TFB1M: variants seen among roughly 807,000 people sequenced by gnomAD.
TFB1M encodes dimethyladenosine transferase 1, mitochondrial.
A neutral mutation model predicts 31.1 loss-of-function variants in TFB1M; 27 were observed. That is an observed-to-expected ratio of 0.87 (90% CI 0.64 to 1.20). TFB1M has a LOEUF of 1.20. Ranked by LOEUF, TFB1M falls within the 50% of genes most tolerant of loss-of-function variation. The pLI is 0.00. For missense variants in TFB1M, 394 were observed against 418.7 expected (o/e 0.94, Z 0.51); for synonymous variants, 166 against 151.8 (o/e 1.09, Z -0.69).
At chr6:155,309,045 T>A (rs538864468) in intron 2 of TFB1M, among the ~76,000 whole-genome samples, 2 of 152,208 alleles carry the variant, frequency 1.3e-5, no homozygotes, top group South Asian at 4.1e-4. Context: ...TAAAAACAAA[T>A]GAGAAGTCAA....
chr6:155,249,483 G>A, the TFB1M span, among the ~76,000 whole-genome samples: 1 of 152,186 alleles, frequency 6.6e-6, no homozygotes, highest in Non-Finnish European at 1.5e-5. Flanking sequence ...TTTCTCATCT[G>A]TAAAATGGGA....
intron 1 of TFB1M, chr6:155,314,046 C>A (rs755130835): frequency 7.3e-7 from 1 of 1,367,490 alleles, no homozygotes; most frequent in Non-Finnish European, 9.5e-7. Flanking sequence ...CCCTAGGGAG[C>A]TTGGCATTTA....
chr6:155,236,293 C>T, the TFB1M span, among the ~76,000 whole-genome samples: 2,529 of 151,908 alleles, frequency 0.017, 29 homozygotes, highest in Non-Finnish European at 0.03. Context: ...AAGCAGAACG[C>T]GAGCTGTATG....
chr6:155,307,166 CAT>C (rs1209471964), intron 2 of TFB1M, among the ~76,000 whole-genome samples: 2,337 of 139,848 alleles, frequency 0.017, 65 homozygotes, highest in African/African-American at 0.057. Context: ...CACACACACA[CAT>C]ATACACACAG....
chr6:155,300,037 G>A (rs959050183), intron 2 of TFB1M, among the ~76,000 whole-genome samples: 34 of 152,186 alleles, frequency 2.2e-4, no homozygotes, highest in African/African-American at 7.5e-4. Context: ...TATTTAAGAA[G>A]TGCATGAATA....
chr6:155,230,979 T>G, the TFB1M span, among the ~76,000 whole-genome samples: 1 of 149,766 alleles, frequency 6.7e-6, no homozygotes, highest in South Asian at 2.1e-4. Flanking sequence ...ATTACAGGTG[T>G]GTGCCACCAA....
At chr6:155,250,793 TAAA>T in the TFB1M span, 1 of 1,211,800 alleles carries the variant, frequency 8.3e-7, no homozygotes, top group South Asian at 1.3e-5. Flanking sequence ...ACAGGTATCA[TAAA>T]AATTAAACCA....
chr6:155,254,414 C>A, downstream of TFB1M: 1 of 1,610,778 alleles, frequency 6.2e-7, no homozygotes, highest in Non-Finnish European at 8.5e-7. Flanking sequence ...TCCCCCCCCA[C>A]CCAGTGACAG....
chr6:155,253,734 G>C (rs1783821369), downstream of TFB1M: 1 of 421,364 alleles, frequency 2.4e-6, no homozygotes, highest in Non-Finnish European at 4.2e-6. Context: ...GCTCCAGAGA[G>C]AGGGTGAAGG....
chr6:155,240,619 T>C, the TFB1M span: 2 of 1,614,020 alleles, frequency 1.2e-6, no homozygotes, highest in South Asian at 2.2e-5. Flanking sequence ...AGGATCCTCC[T>C]CCGAGGTCTC....
At chr6:155,252,710 G>A (rs574718585), downstream of TFB1M, among the ~76,000 whole-genome samples, 7 of 152,214 alleles carry the variant, frequency 4.6e-5, no homozygotes, top group Non-Finnish European at 2.9e-5. Flanking sequence ...TTTGGCTGCT[G>A]TTCTTGCTTT....
chr6:155,247,410 C>A, the TFB1M span, among the ~76,000 whole-genome samples: 1 of 152,010 alleles, frequency 6.6e-6, no homozygotes, highest in African/African-American at 2.4e-5. Context: ...CTCACTGCAC[C>A]CTCCACCTCA....
chr6:155,257,001 G>A lies in TFB1M; in HGVS notation c.*835C>T. The stretch of plus-strand genomic sequence containing the variant: ...TCCGTCACCAGTCCCTTGACAGTCA[G>A]TCTGAAAATGCCACCATCGACCTAA... On this transcript the variant is annotated 3_prime_UTR_variant, in exon 7 of 7. Coordinates refer to ENST00000367166, the MANE Select transcript of TFB1M (RefSeq NM_016020.4). 6.2e-7 allele frequency: 1 copy of A among 1,614,170 alleles called. No homozygotes were observed. The highest frequency in any genetic ancestry group is 1.3e-5 in the African/African-American group (1 of 75,024).
At chr6:155,258,844 C>G (rs1265810928) in intron 6 of TFB1M, among the ~76,000 whole-genome samples, 1 of 152,154 alleles carries the variant, frequency 6.6e-6, no homozygotes, top group Non-Finnish European at 1.5e-5. Flanking sequence ...GCATGTCCCC[C>G]ACACTTTCAG....
chr6:155,304,341 T>G (rs1167325109), intron 2 of TFB1M, among the ~76,000 whole-genome samples: 1 of 152,030 alleles, frequency 6.6e-6, no homozygotes, highest in Non-Finnish European at 1.5e-5. Flanking sequence ...ACTTACTTTC[T>G]CTCTCCAAAA....
downstream of TFB1M, chr6:155,254,067 C>A (rs767899469): frequency 6.2e-7 from 1 of 1,612,296 alleles, no homozygotes; most frequent in Middle Eastern, 1.7e-4. Context: ...GCAGGTATGA[C>A]TGACTTCCAA....
In TFB1M at chr6:155,297,022, G is replaced by C; in HGVS notation, c.477C>G (p.Ser159=). The C allele has an allele frequency of 6.2e-7, 1 of 1,613,776 alleles. No homozygotes were observed. The highest frequency in any genetic ancestry group is 8.5e-7 in the Non-Finnish European group (1 of 1,179,854). ...CATAAACAAAAGGTCCATCTCTACA[G>C]GAAATATTTTCAAGCCACTTGATAA... is the stretch of plus-strand genomic sequence containing the variant. ...PLIIKWLENI[S]CRDGPFVYGR... The change falls in exon 4 of 7, where the codon TCC becomes TCG. Residue 159 remains serine (S), a synonymous_variant. Transcript: ENST00000367166.
At chr6:155,280,060 A>C (rs7740271) in intron 5 of TFB1M, among the ~76,000 whole-genome samples, 195 of 152,338 alleles carry the variant, frequency 1.3e-3, no homozygotes, top group African/African-American at 4.5e-3. Flanking sequence ...ATGAAAGACT[A>C]AAGTTACAAA....
intron 5 of TFB1M, among the ~76,000 whole-genome samples, chr6:155,271,360 G>A (rs1784906517): frequency 6.6e-6 from 1 of 152,058 alleles, no homozygotes; most frequent in Non-Finnish European, 1.5e-5. Flanking sequence ...TATCTGATGT[G>A]TCTCATCACA....
Sources: allele counts gnomAD v4.1 joint callset (sites outside exome capture counted in the v4.1 genomes callset), GRCh38; gene constraint gnomAD v4.1.1; transcripts MANE v1.5; gene names NCBI Gene and HGNC (gene_info 2026-07-23, HGNC 2026-07-21).